The following NELL1 variants were observed in gnomAD, a reference collection of about 807,000 sequenced individuals.
The protein encoded by NELL1 is protein kinase C-binding protein NELL1.
NELL1 carries 76 observed loss-of-function variants against 107.4 expected under a neutral mutation model. The observed-to-expected ratio is 0.71, with a 90% CI of 0.59 to 0.86. The LOEUF (loss-of-function observed/expected upper bound fraction) is 0.86. NELL1 is among the 40% of genes least tolerant of loss of function. NELL1 has a pLI of 0.00. For missense variants in NELL1, 1,024 were observed against 1,005.5 expected (o/e 1.02, Z -0.25); for synonymous variants, 353 against 341.2 (o/e 1.03, Z -0.38).
chr11:21,490,115 A>G (rs1854761915), intron 15 of NELL1, among the ~76,000 whole-genome samples: 2 of 152,136 alleles, frequency 1.3e-5, no homozygotes, highest in Admixed American at 1.3e-4. Context: ...AAATTAATAT[A>G]CAAAAATCAG....
chr11:20,712,133 C>T (rs967333754), intron 2 of NELL1, among the ~76,000 whole-genome samples: 2 of 151,972 alleles, frequency 1.3e-5, no homozygotes, highest in Non-Finnish European at 1.5e-5. Flanking sequence ...ATTTTGGAGG[C>T]TTTGTTAATT....
At chr11:21,256,617 G>A (rs1276811180) in intron 14 of NELL1, among the ~76,000 whole-genome samples, 1 of 152,030 alleles carries the variant, frequency 6.6e-6, no homozygotes, top group Non-Finnish European at 1.5e-5. Context: ...ACCTAAAAAT[G>A]CTCACTTTTG....
intron 4 of NELL1, among the ~76,000 whole-genome samples, chr11:20,873,242 G>A (rs1227388199): frequency 1.3e-5 from 2 of 152,116 alleles, no homozygotes; most frequent in African/African-American, 2.4e-5. Flanking sequence ...TGGCCTTGAT[G>A]TAACCTCAAT....
At chr11:20,928,522 GATTT>G (rs1321101135) in intron 9 of NELL1, 43 bp downstream of exon 9, 5 of 1,471,376 alleles carry the variant, frequency 3.4e-6, no homozygotes, top group African/African-American at 2.8e-5. Flanking sequence ...TGTGTTTTGA[GATTT>G]ATTTATTTAT....
intron 12 of NELL1, among the ~76,000 whole-genome samples, chr11:20,978,625 T>G (rs1447308083): frequency 1.3e-5 from 2 of 152,170 alleles, no homozygotes. Flanking sequence ...TCCCATAGAT[T>G]CAGGCATGCT....
chr11:21,406,818 C>A (rs1281591914), intron 15 of NELL1, among the ~76,000 whole-genome samples: 1 of 151,912 alleles, frequency 6.6e-6, no homozygotes, highest in East Asian at 2.0e-4. Context: ...TGTTTCCTAT[C>A]TTTGTGTGGA....
chr11:21,014,856 C>T lies in NELL1; in HGVS notation c.1300+54296C>T, dbSNP rs144781664. Among the ~76,000 whole-genome samples, 386 of 152,200 alleles carry T rather than the reference C, an allele frequency of 2.5e-3. 3 individuals carry two copies. The highest frequency in any genetic ancestry group is 8.6e-3 in the African/African-American group (356 of 41,548). ...CAAGCAAAGTTATAGTCTCCCTGCC[C>T]TTGTTGTGGTTATTTCATTATGATG... On this transcript the variant is annotated intron_variant, in intron 12 of 19. Transcript: ENST00000357134.
intron 2 of NELL1, among the ~76,000 whole-genome samples, chr11:20,732,182 T>C (rs913622910): frequency 6.6e-6 from 1 of 152,158 alleles, no homozygotes; most frequent in Non-Finnish European, 1.5e-5. Flanking sequence ...TGATCTGATT[T>C]ACACTGGGCC....
intron 14 of NELL1, among the ~76,000 whole-genome samples, chr11:21,294,696 A>T (rs1390352401): frequency 6.6e-6 from 1 of 152,094 alleles, no homozygotes; most frequent in Non-Finnish European, 1.5e-5. Context: ...ACCTGAGGTC[A>T]CACAACTAAC....
At chr11:21,289,995 G>C (rs993986566) in intron 14 of NELL1, among the ~76,000 whole-genome samples, 5 of 152,186 alleles carry the variant, frequency 3.3e-5, no homozygotes, top group Admixed American at 3.3e-4. Context: ...GCCCCAGTCA[G>C]GGGTTTATAG....
chr11:21,030,622 AT>A lies in NELL1; in HGVS notation c.1300+70082del, dbSNP rs201033870. On this transcript the variant is annotated intron_variant, in intron 12 of 19. Coordinates refer to ENST00000357134, the MANE Select transcript of NELL1 (RefSeq NM_006157.5). ...TTATTTTCTTATGTTATTTTCTTGT[AT>A]TTTTTTTTTTTTTTTTTTTACTTAT... Among the ~76,000 whole-genome samples the A allele has an allele frequency of 9.4e-3, 1,135 of 120,110 alleles. 2 individuals are homozygous for A. Among genetic ancestry groups the A allele is most frequent in the East Asian group, 0.013 (57 of 4,400 alleles). 78.8% of individuals were successfully genotyped at this position (120,110 alleles called of 152,430 possible). A position where few individuals can be genotyped will look rare whatever the true frequency, so the allele number is the denominator to read the frequency against.
chr11:21,231,948 G>A (rs1160583663), intron 14 of NELL1, among the ~76,000 whole-genome samples: 4 of 151,696 alleles, frequency 2.6e-5, no homozygotes, highest in Non-Finnish European at 5.9e-5. Context: ...TTTCACTACT[G>A]GTTCTTTACA....
At chr11:21,342,878 T>C (rs1469680658) in intron 14 of NELL1, among the ~76,000 whole-genome samples, 1 of 152,134 alleles carries the variant, frequency 6.6e-6, no homozygotes, top group African/African-American at 2.4e-5. Context: ...CATTACTCTT[T>C]ATATCAGATG....
intron 15 of NELL1, among the ~76,000 whole-genome samples, chr11:21,492,403 C>T (rs1199264687): frequency 2.0e-5 from 3 of 152,016 alleles, no homozygotes; most frequent in African/African-American, 7.3e-5. Context: ...TGGGTATATA[C>T]CCAAAGGACT....
At chr11:20,763,008 C>A (rs1372753901) in intron 2 of NELL1, among the ~76,000 whole-genome samples, 1 of 152,028 alleles carries the variant, frequency 6.6e-6, no homozygotes, top group Non-Finnish European at 1.5e-5. Context: ...GCCAACCTTA[C>A]TGGAAAGACA....
chr11:21,431,688 G>A (rs183809588), intron 15 of NELL1, among the ~76,000 whole-genome samples: 3 of 152,290 alleles, frequency 2.0e-5, no homozygotes, highest in East Asian at 3.9e-4. Context: ...AGTAGTCTCC[G>A]TTTGTGTTGG....
intron 4 of NELL1, among the ~76,000 whole-genome samples, chr11:20,875,235 T>A (rs1031494800): frequency 4.6e-5 from 7 of 152,238 alleles, no homozygotes; most frequent in African/African-American, 1.7e-4. Flanking sequence ...CATTCTGTTT[T>A]TAAGCAGCAT....
At position 20,960,474 on chromosome 11, in the gene NELL1, CAG is replaced by C; in HGVS notation, c.1217_1218del (p.Glu406ValfsTer11). Reference sequence around the variant, plus strand: ...GAAGGACCTAAATGTGGTGAAAACTCAGAGTGCAAAAACTGGAATACAAAAGC... The same window carrying C: ...GAAGGACCTAAATGTGGTGAAAACTCAGTGCAAAAACTGGAATACAAAAGC... On this transcript the variant is annotated frameshift_variant, in exon 12 of 20. Transcript: ENST00000357134. LOFTEE classifies it high-confidence loss of function. 1 of 1,613,950 alleles carries C rather than the reference CAG, an allele frequency of 6.2e-7. No homozygotes were observed.
At chr11:20,848,084 G>A (rs1226988374) in intron 4 of NELL1, among the ~76,000 whole-genome samples, 4 of 152,192 alleles carry the variant, frequency 2.6e-5, no homozygotes, top group Non-Finnish European at 5.9e-5. Context: ...TAACGGTGAT[G>A]TATTGTTGTT....
Sources: allele counts gnomAD v4.1 joint callset (sites outside exome capture counted in the v4.1 genomes callset), GRCh38; gene constraint gnomAD v4.1.1; transcripts MANE v1.5; gene names NCBI Gene and HGNC (gene_info 2026-07-23, HGNC 2026-07-21).